MDM4: variants seen among roughly 807,000 people sequenced by gnomAD.
The protein encoded by MDM4 is protein Mdm4.
MDM4 carries 2 observed loss-of-function variants against 60.2 expected under a neutral mutation model. The ratio of observed to expected loss-of-function variants is 0.03; its 90% CI spans 0.01 to 0.10. The LOEUF is 0.10. Ranked by LOEUF, MDM4 falls within the 10% of genes least tolerant of loss-of-function variation. The pLI, the probability that MDM4 is intolerant of heterozygous loss-of-function variation, is 1.00. For synonymous variants in MDM4, 202 were observed against 198.1 expected, an observed-to-expected ratio of 1.02 and a Z score of -0.17; for missense variants, 447 against 577.5, an observed-to-expected ratio of 0.77 and a Z score of 2.32.
chr1:204,535,608 A>G (rs556056925), intron 5 of MDM4, among the ~76,000 whole-genome samples: 1 of 151,888 alleles, frequency 6.6e-6, no homozygotes, highest in African/African-American at 2.4e-5. Flanking sequence ...ATCTCGGCTC[A>G]CTGCAACCTC....
chr1:204,547,079 T>C (rs566127431), intron 10 of MDM4, among the ~76,000 whole-genome samples: 2 of 152,294 alleles, frequency 1.3e-5, no homozygotes, highest in African/African-American at 2.4e-5. Context: ...TTTGATCTTA[T>C]CCTCTCCCTA....
rs1663312701 is a variant in MDM4, at chr1:204,552,741, C to T, written c.*3059C>T. On this transcript the variant is annotated 3_prime_UTR_variant, in exon 11 of 11. Coordinates refer to ENST00000367182, the MANE Select transcript of MDM4 (RefSeq NM_002393.5). ...AATCCTCTTAGGCTGCTCAGCTTCA[C>T]TCTTCCTGCTTGCCCACCGGGGTTT... 1 of 185,062 alleles carries T rather than the reference C, an allele frequency of 5.4e-6. No individual in the cohort carries two copies. Among genetic ancestry groups the T allele is most frequent in the Non-Finnish European group, 1.1e-5 (1 of 87,426 alleles). 11.5% of individuals were successfully genotyped at this position (185,062 alleles called of 1,614,324 possible). A position where few individuals can be genotyped will look rare whatever the true frequency, so the allele number is the denominator to read the frequency against.
rs1662414553 is a variant in MDM4 at position 204,544,173 on chromosome 1, A to G, written c.673-362A>G. Among the ~76,000 whole-genome samples, 3 of 152,186 alleles carry G rather than the reference A, an allele frequency of 2.0e-5. No homozygotes were observed. In the South Asian group the frequency reaches 6.2e-4, roughly 32 times the overall value. On this transcript the variant is annotated intron_variant, in intron 8 of 10. Transcript: ENST00000367182. ...GGAAAGAATATGTCAGAACTAATGG[A>G]ATGTTTTGTAGCTTCTTAGAGTGTC... is the stretch of plus-strand genomic sequence containing the variant.
In MDM4 at chr1:204,540,378, C is replaced by T. The variant is rs913451067; in HGVS notation, c.511+2070C>T. Reference sequence around the variant, plus strand: ...CAAATCCAGAAAAATTGTTTTTGCCCTTGGATGGTAGTCACCAGATCTTTG... The same window carrying T: ...CAAATCCAGAAAAATTGTTTTTGCCTTTGGATGGTAGTCACCAGATCTTTG... On this transcript the variant is annotated intron_variant, in intron 7 of 10. Coordinates refer to ENST00000367182, the MANE Select transcript of MDM4 (RefSeq NM_002393.5). Among the ~76,000 whole-genome samples, 9 of 152,192 alleles carry T rather than the reference C, an allele frequency of 5.9e-5. No homozygotes were observed. The South Asian group carries it at 1.9e-3, about 32-fold the overall frequency.
At chr1:204,517,627 C>G (rs1359620711) in intron 1 of MDM4, among the ~76,000 whole-genome samples, 1 of 152,000 alleles carries the variant, frequency 6.6e-6, no homozygotes, top group Non-Finnish European at 1.5e-5. Flanking sequence ...TTCTCGAACT[C>G]CAGACCTCAG....
At chr1:204,547,029 TA>T (rs573642212) in intron 10 of MDM4, 152 bp downstream of exon 10, 244 of 489,576 alleles carry the variant, frequency 5.0e-4, no homozygotes, top group Non-Finnish European at 6.9e-4. Context: ...TACATTTTTT[TA>T]AGAGATTTTT....
At position 204,550,148 on chromosome 1, in the gene MDM4, CT is replaced by C. The variant is rs1302495380; in HGVS notation, c.*476del. ...CACCCTAGTTTTTTTTTTTTTTGCA[CT>C]TTTTTTTTTCCGGGGGTATAGGGGA... On this transcript the variant is annotated 3_prime_UTR_variant, in exon 11 of 11. Transcript: ENST00000367182. The C allele has an allele frequency of 6.0e-4, 122 of 202,254 alleles. No individual in the cohort carries two copies. Among genetic ancestry groups the C allele is most frequent in the Middle Eastern group, 1.5e-3 (1 of 646 alleles). 12.5% of individuals were successfully genotyped at this position (202,254 alleles called of 1,614,324 possible).
chr1:204,556,910 C>A lies in MDM4; in HGVS notation c.*7228C>A. The A allele has an allele frequency of 4.8e-6, 1 of 208,892 alleles. No homozygotes were observed. Among genetic ancestry groups the A allele is most frequent in the Non-Finnish European group, 9.7e-6 (1 of 102,754 alleles). The allele number at this position is 208,892 out of a possible 1,614,324, so 12.9% of individuals were successfully genotyped here. The stretch of plus-strand genomic sequence containing the variant: ...GACCTCATAGCAACCTTGAATATGA[C>A]TTTCTTTAGTCTCTAGCTATGCACT... On this transcript the variant is annotated 3_prime_UTR_variant, in exon 11 of 11. Transcript: ENST00000367182.
intron 1 of MDM4, 110 bp from the exon 2 acceptor site, chr1:204,525,374 A>C (rs772146371): frequency 1.2e-4 from 173 of 1,431,592 alleles, no homozygotes; most frequent in Non-Finnish European, 1.5e-4. Context: ...ACGGTGCTCC[A>C]TTATATGTGT....
chr1:204,552,772 T>C lies in MDM4; in HGVS notation c.*3090T>C, dbSNP rs2102472845. The C allele has an allele frequency of 5.4e-6, 1 of 186,120 alleles. No homozygotes were observed. The highest frequency in any genetic ancestry group is 2.0e-3 in the Middle Eastern group (1 of 506). The allele number at this position is 186,120 out of a possible 1,614,324, so 11.5% of individuals were successfully genotyped here. A position where few individuals can be genotyped will look rare whatever the true frequency, so the allele number is the denominator to read the frequency against. ...CTGCTTGCCCACCGGGGTTTTTCACTGCTTCTGTTAGCACTAAGTACTTAG... is the reference window on the plus strand; with the variant it reads ...CTGCTTGCCCACCGGGGTTTTTCACCGCTTCTGTTAGCACTAAGTACTTAG... On this transcript the variant is annotated 3_prime_UTR_variant, in exon 11 of 11. Transcript: ENST00000367182.
chr1:204,546,408 G>A (rs1342256675), intron 9 of MDM4, among the ~76,000 whole-genome samples: 5 of 152,026 alleles, frequency 3.3e-5, no homozygotes, highest in Non-Finnish European at 7.3e-5. Flanking sequence ...TTGCTCTGTT[G>A]CCTAGGCCAG....
rs140478711 is a variant in MDM4, at chr1:204,556,728, A to T, written c.*7046A>T. 48 of 212,904 alleles carry T rather than the reference A, an allele frequency of 2.3e-4. No individual in the cohort carries two copies. In the Middle Eastern group the frequency reaches 4.4e-3, roughly 19 times the overall value. The allele number at this position is 212,904 out of a possible 1,614,324, so 13.2% of individuals were successfully genotyped here. ...GGTCAGGCTTCCTTCTTACAGAATT[A>T]TTTTTTTCTCTGTAGTTTGCCTCAT... is the stretch of plus-strand genomic sequence containing the variant. On this transcript the variant is annotated 3_prime_UTR_variant, in exon 11 of 11. Transcript: ENST00000367182.
In MDM4 at chr1:204,552,917, C is replaced by T. The variant is rs1663331670; in HGVS notation, c.*3235C>T. Reference sequence around the variant, plus strand: ...TGAGATGGAGTTTTGCTCTTGTCGCCCAGGCTGGAGTGCAGTGGAGTGATC... The same window carrying T: ...TGAGATGGAGTTTTGCTCTTGTCGCTCAGGCTGGAGTGCAGTGGAGTGATC... On this transcript the variant is annotated 3_prime_UTR_variant, in exon 11 of 11. Transcript: ENST00000367182. 1 of 162,896 alleles carries T rather than the reference C, an allele frequency of 6.1e-6. No individual in the cohort carries two copies. The highest frequency in any genetic ancestry group is 1.3e-5 in the Non-Finnish European group (1 of 75,522). The allele number at this position is 162,896 out of a possible 1,614,324, so 10.1% of individuals were successfully genotyped here. A position where few individuals can be genotyped will look rare whatever the true frequency, so the allele number is the denominator to read the frequency against.
Position 204,522,925 on chromosome 1 carries a change from C to T in MDM4, c.-35-2559C>T, listed in dbSNP as rs191594262. 2.1e-3 allele frequency among the ~76,000 whole-genome samples: 312 copies of T among 148,270 alleles called. 1 individual carries two copies. The highest frequency in any genetic ancestry group is 7.2e-3 in the African/African-American group (286 of 39,998). On this transcript the variant is annotated intron_variant, in intron 1 of 10. Coordinates refer to ENST00000367182, the MANE Select transcript of MDM4 (RefSeq NM_002393.5). ...TAACCCAGGTTGGAGTGCAATGGTG[C>T]GATCTCAGCTCACTGCAACCTCCGC...
At chr1:204,517,846 C>T (rs994787650) in intron 1 of MDM4, among the ~76,000 whole-genome samples, 1 of 124,004 alleles carries the variant, frequency 8.1e-6, no homozygotes, top group Non-Finnish European at 1.9e-5. Flanking sequence ...TCTTCTCTCT[C>T]CTCATACATT....
intron 7 of MDM4, among the ~76,000 whole-genome samples, chr1:204,540,652 A>G (rs1479278761): frequency 6.6e-6 from 1 of 151,660 alleles, no homozygotes; most frequent in African/African-American, 2.4e-5. Context: ...AATCCCAGCT[A>G]CTCGGGAGGC....
At position 204,549,108 on chromosome 1, in the gene MDM4, T is replaced by C. The variant is rs1367986371; in HGVS notation, c.904-5T>C. The C allele has an allele frequency of 1.3e-6, 2 of 1,574,336 alleles. No homozygotes were observed. The highest frequency in any genetic ancestry group is 1.2e-5 in the South Asian group (1 of 86,804). Reference sequence around the variant, plus strand: ...AGTATTAATTGGCTTCACTTGTCTTTGTAGGATGAGTGGCAGTGTACTGAA... The same window carrying C: ...AGTATTAATTGGCTTCACTTGTCTTCGTAGGATGAGTGGCAGTGTACTGAA... On this transcript the variant is annotated splice_region_variant and splice_polypyrimidine_tract_variant and intron_variant, in intron 10 of 10. Transcript: ENST00000367182.
intron 3 of MDM4, among the ~76,000 whole-genome samples, 154 bp downstream of exon 3, chr1:204,526,588 C>G (rs1229040362): frequency 6.6e-6 from 1 of 151,826 alleles, no homozygotes; most frequent in Non-Finnish European, 1.5e-5. Flanking sequence ...CTCAGCCTCC[C>G]GAGTAGCTGG....
chr1:204,546,653 T>G (rs987614106), intron 9 of MDM4, 144 bp from the exon 10 acceptor site: 2 of 574,204 alleles, frequency 3.5e-6, no homozygotes, highest in African/African-American at 1.9e-5. Context: ...GTGTTTGGTC[T>G]TGCATTTAAG....
Sources: gnomAD v4.1 joint callset for allele counts (sites outside exome capture counted in the v4.1 genomes callset) on GRCh38, gnomAD v4.1.1 for gene constraint, MANE v1.5 for transcripts, NCBI Gene and HGNC (gene_info 2026-07-23, HGNC 2026-07-21) for gene names.